MAGI1: variants seen among roughly 807,000 people sequenced by gnomAD.
MAGI1 encodes membrane-associated guanylate kinase, WW and PDZ domain-containing protein 1.
A neutral mutation model predicts 139.9 loss-of-function variants in MAGI1; 58 were observed. The observed-to-expected ratio is 0.41, with a 90% CI of 0.34 to 0.52. The LOEUF (loss-of-function observed/expected upper bound fraction) is 0.52. Among genes scored for constraint, MAGI1 ranks in the 20% least tolerant of loss-of-function variants. MAGI1 has a pLI of 0.12. For missense variants in MAGI1, 1,874 were observed against 1,901.6 expected (o/e 0.99, Z 0.27); for synonymous variants, 812 against 737.9 (o/e 1.10, Z -1.63).
chr3:65,470,353 C>T lies in MAGI1; in HGVS notation c.889G>A (p.Asp297Asn). 1 of 1,613,824 alleles carries T rather than the reference C, an allele frequency of 6.2e-7. No individual in the cohort carries two copies. The highest frequency in any genetic ancestry group is 8.5e-7 in the Non-Finnish European group (1 of 1,179,862). ...FPQYLPLSAE[D>N]NLGPLPENWE... is the part of the protein sequence containing the mutation. ...TTTTCAGGTAGAGGACCTAAATTAT[C>T]CTCTGCAGAAAGAGGTAGGTATTGA... The change falls in exon 5 of 23, where the codon GAT becomes AAT. Residue 297 changes from aspartate (D) to asparagine (N), a missense_variant. Around this residue, in one of 5 missense-constraint regions of MAGI1, gnomAD observed 648 missense variants for 598.1 expected, o/e 1.08. Coordinates refer to ENST00000402939, the MANE Select transcript of MAGI1 (RefSeq NM_001033057.2).
At chr3:65,899,737 A>C (rs2061141591) in intron 1 of MAGI1, among the ~76,000 whole-genome samples, 1 of 152,228 alleles carries the variant, frequency 6.6e-6, no homozygotes, top group Admixed American at 6.5e-5. Flanking sequence ...AGATATATCT[A>C]ATACAGTTTC....
chr3:65,591,352 T>TC (rs2081956724), intron 2 of MAGI1, among the ~76,000 whole-genome samples: 2 of 152,158 alleles, frequency 1.3e-5, no homozygotes, highest in African/African-American at 4.8e-5. Flanking sequence ...CCTCTCTTTT[T>TC]CTCACACCCC....
intron 2 of MAGI1, among the ~76,000 whole-genome samples, chr3:65,590,162 G>C (rs1337137358): frequency 6.6e-6 from 1 of 152,066 alleles, no homozygotes; most frequent in Non-Finnish European, 1.5e-5. Flanking sequence ...TCTAGACAAA[G>C]TCAGGTCAGT....
chr3:65,816,762 T>C (rs990624818), intron 1 of MAGI1, among the ~76,000 whole-genome samples: 1 of 152,206 alleles, frequency 6.6e-6, no homozygotes, highest in Non-Finnish European at 1.5e-5. Flanking sequence ...AACCAGTTGC[T>C]AGCCATGGCC....
intron 1 of MAGI1, among the ~76,000 whole-genome samples, chr3:65,965,048 T>C (rs1016245196): frequency 3.9e-5 from 6 of 152,224 alleles, no homozygotes; most frequent in African/African-American, 1.4e-4. Context: ...CTCTAAAACT[T>C]TCCTAAGTGG....
At chr3:66,036,788 A>C (rs543032545) in intron 1 of MAGI1, among the ~76,000 whole-genome samples, 1 of 152,042 alleles carries the variant, frequency 6.6e-6, no homozygotes. Flanking sequence ...CAACTTCACG[A>C]CTTCCTTCGG....
chr3:65,477,527 C>T (rs1950960528), intron 4 of MAGI1, among the ~76,000 whole-genome samples: 1 of 152,006 alleles, frequency 6.6e-6, no homozygotes, highest in Non-Finnish European at 1.5e-5. Flanking sequence ...ACAATAACAA[C>T]AGAAGAAACA....
intron 1 of MAGI1, among the ~76,000 whole-genome samples, chr3:65,930,658 A>G (rs561154347): frequency 6.6e-6 from 1 of 152,334 alleles, no homozygotes; most frequent in South Asian, 2.1e-4. Context: ...AACAGGTCAC[A>G]AAGACCTTGC....
At chr3:65,781,960 T>C (rs1325273063) in intron 1 of MAGI1, among the ~76,000 whole-genome samples, 1 of 152,224 alleles carries the variant, frequency 6.6e-6, no homozygotes, top group Non-Finnish European at 1.5e-5. Flanking sequence ...CAGAGGGGTC[T>C]CCTGAGCAGA....
chr3:65,398,885 G>A (rs540741139), intron 13 of MAGI1, among the ~76,000 whole-genome samples: 1 of 152,138 alleles, frequency 6.6e-6, no homozygotes, highest in African/African-American at 2.4e-5. Flanking sequence ...AATCTTGAAG[G>A]TGAAATTGCT....
chr3:65,651,327 T>C (rs1467295767), intron 1 of MAGI1, among the ~76,000 whole-genome samples: 1 of 152,298 alleles, frequency 6.6e-6, no homozygotes, highest in East Asian at 1.9e-4. Context: ...AATTATCTTT[T>C]GAAGAAACAC....
intron 1 of MAGI1, among the ~76,000 whole-genome samples, chr3:65,627,485 C>CTTT (rs779588733): frequency 1.1e-4 from 3 of 28,354 alleles, no homozygotes; most frequent in African/African-American, 3.5e-4. Context: ...ATTTCTGTAT[C>CTTT]TTTTTTTTTT....
In MAGI1 at chr3:65,478,788, A is replaced by G. The variant is rs754442577; in HGVS notation, c.561T>C (p.Tyr187=). The change falls in exon 4 of 23, where the codon TAT becomes TAC. Residue 187 remains tyrosine (Y), a synonymous_variant. Coordinates refer to ENST00000402939, the MANE Select transcript of MAGI1 (RefSeq NM_001033057.2). ...GCTGGCTAGGAGGCTTGGGTGTCCC[A>G]TAATAGTTTCCTAGGTGATGGAGAG... The part of the protein sequence containing the change: ...LEVGTYEGNY[Y]GTPKPPSQPV... 6.8e-6 allele frequency: 11 copies of G among 1,613,254 alleles called. No individual in the cohort carries two copies. The highest frequency in any genetic ancestry group is 8.5e-6 in the Non-Finnish European group (10 of 1,179,400).
At chr3:65,910,854 A>ATTT (rs1560003976) in intron 1 of MAGI1, among the ~76,000 whole-genome samples, 1 of 11,904 alleles carries the variant, frequency 8.4e-5, no homozygotes, top group Non-Finnish European at 1.4e-4. Flanking sequence ...GACATGGTGG[A>ATTT]CTTTTTTTTT....
chr3:65,498,446 A>T (rs185023897), intron 2 of MAGI1, among the ~76,000 whole-genome samples: 80 of 152,308 alleles, frequency 5.3e-4, no homozygotes, highest in East Asian at 1.4e-3. Flanking sequence ...AAGAAAAAAA[A>T]ATATATAACG....
At chr3:65,447,886 G>T in intron 7 of MAGI1, 136 bp downstream of exon 7, 10 of 1,028,512 alleles carry the variant, frequency 9.7e-6, no homozygotes, top group Non-Finnish European at 1.5e-5. Context: ...ACCTTTCCTG[G>T]ATAAGCTAGA....
chr3:65,785,947 T>C (rs920843619), intron 1 of MAGI1, among the ~76,000 whole-genome samples: 48 of 151,946 alleles, frequency 3.2e-4, no homozygotes, highest in Non-Finnish European at 1.5e-5. Context: ...TTTTTTTTTT[T>C]TTTTCTTGAA....
chr3:65,617,671 C>A (rs1045707335), intron 2 of MAGI1, among the ~76,000 whole-genome samples: 1 of 151,930 alleles, frequency 6.6e-6, no homozygotes. Context: ...CATCTATGAC[C>A]CTTTTTGGGG....
At chr3:65,536,433 A>G (rs2078960934) in intron 2 of MAGI1, among the ~76,000 whole-genome samples, 1 of 152,226 alleles carries the variant, frequency 6.6e-6, no homozygotes, top group African/African-American at 2.4e-5. Context: ...ATTTGTACAA[A>G]AAAGATAATG....
Sources: gnomAD v4.1 joint callset for allele counts (sites outside exome capture counted in the v4.1 genomes callset) on GRCh38, gnomAD v4.1.1 for gene constraint, gnomAD v4.1.1 regional missense constraint, MANE v1.5 for transcripts, NCBI Gene and HGNC (gene_info 2026-07-23, HGNC 2026-07-21) for gene names.